TNS3: variants seen among roughly 807,000 people sequenced by gnomAD.
TNS3 encodes the protein tensin 3, also known as tensin-3.
A neutral mutation model predicts 140.9 loss-of-function variants in TNS3; 45 were observed. That is an observed-to-expected ratio of 0.32 (90% CI 0.25 to 0.41). The LOEUF (loss-of-function observed/expected upper bound fraction) is 0.41. Ranked by LOEUF, TNS3 falls within the 10% of genes least tolerant of loss-of-function variation. The probability of loss-of-function intolerance (pLI) is 1.00; values close to 1 mark genes in which losing one functional copy is unlikely to be tolerated. For missense variants in TNS3, 1,716 were observed against 1,906.7 expected (o/e 0.90, Z 1.86); for synonymous variants, 815 against 788.4 (o/e 1.03, Z -0.56).
At chr7:47,380,907 C>T (rs1425082053) in intron 16 of TNS3, among the ~76,000 whole-genome samples, 3 of 152,154 alleles carry the variant, frequency 2.0e-5, no homozygotes, top group Non-Finnish European at 4.4e-5. Flanking sequence ...CAGAGGAGGG[C>T]GGGGGCGTGC....
At chr7:47,511,716 AG>A (rs1256068563) in intron 2 of TNS3, among the ~76,000 whole-genome samples, 2 of 152,090 alleles carry the variant, frequency 1.3e-5, no homozygotes. Context: ...CTTCTGGCGA[AG>A]GCCTTCCCAC....
chr7:47,356,036 C>G (rs1000123272), intron 17 of TNS3, among the ~76,000 whole-genome samples: 3 of 152,284 alleles, frequency 2.0e-5, no homozygotes, highest in East Asian at 3.9e-4. Flanking sequence ...CCCATGGGGT[C>G]GCCTGCCTCT....
chr7:47,300,688 G>A (rs780741126), intron 23 of TNS3, among the ~76,000 whole-genome samples: 3 of 152,232 alleles, frequency 2.0e-5, no homozygotes, highest in Non-Finnish European at 4.4e-5. Flanking sequence ...TAGAGTGGAA[G>A]GGTCTGTGCA....
At chr7:47,549,199 G>C (rs540803400) in intron 1 of TNS3, among the ~76,000 whole-genome samples, 18 of 152,178 alleles carry the variant, frequency 1.2e-4, no homozygotes, top group Non-Finnish European at 1.2e-4. Context: ...ATAAATAAAT[G>C]AAAGTTCTTT....
At chr7:47,387,255 C>A (rs566068358) in intron 16 of TNS3, among the ~76,000 whole-genome samples, 2 of 152,294 alleles carry the variant, frequency 1.3e-5, no homozygotes, top group East Asian at 3.9e-4. Flanking sequence ...GGGGCTGGGG[C>A]TGTGGAGGGT....
chr7:47,481,118 T>C lies in TNS3; in HGVS notation c.-91A>G. 7.8e-7 allele frequency: 1 copy of C among 1,289,772 alleles called. No individual in the cohort carries two copies. The highest frequency in any genetic ancestry group is 1.0e-6 in the Non-Finnish European group (1 of 988,876). 79.9% of individuals were successfully genotyped at this position (1,289,772 alleles called of 1,614,324 possible). A position where few individuals can be genotyped will look rare whatever the true frequency, so the allele number is the denominator to read the frequency against. ...AAGGGCTTACCTGTTCCAGTCGGAC[T>C]TGCACACCGCAGGGAATCACCACCT... On this transcript the variant is annotated 5_prime_UTR_variant, in exon 4 of 31. Transcript: ENST00000311160.
At chr7:47,449,412 T>C (rs551500267) in intron 4 of TNS3, among the ~76,000 whole-genome samples, 1 of 152,280 alleles carries the variant, frequency 6.6e-6, no homozygotes, top group African/African-American at 2.4e-5. Flanking sequence ...CTGCTGTGCT[T>C]CCTCCTGCCC....
At chr7:47,314,354 G>A (rs558975809) in intron 20 of TNS3, among the ~76,000 whole-genome samples, 3 of 152,298 alleles carry the variant, frequency 2.0e-5, no homozygotes, top group South Asian at 2.1e-4. Flanking sequence ...CATGCTTAAC[G>A]GAAGAGGAGA....
At chr7:47,558,204 G>A (rs976012262) in intron 1 of TNS3, among the ~76,000 whole-genome samples, 7 of 152,170 alleles carry the variant, frequency 4.6e-5, no homozygotes. Context: ...CAACATAAAA[G>A]GAAACAGGGT....
At chr7:47,564,650 CAAAA>C (rs397961987) in intron 1 of TNS3, among the ~76,000 whole-genome samples, 12 of 99,110 alleles carry the variant, frequency 1.2e-4, no homozygotes, top group Admixed American at 7.7e-4. Context: ...AAAAAAAAAA[CAAAA>C]AAAAACAAAA....
intron 4 of TNS3, among the ~76,000 whole-genome samples, chr7:47,469,402 C>A (rs1796852840): frequency 6.6e-6 from 1 of 152,176 alleles, no homozygotes; most frequent in Non-Finnish European, 1.5e-5. Context: ...CAAAAAACAT[C>A]AGACGTCGGC....
At chr7:47,572,080 C>T (rs114436301) in intron 1 of TNS3, among the ~76,000 whole-genome samples, 7 of 152,342 alleles carry the variant, frequency 4.6e-5, no homozygotes, top group South Asian at 4.1e-4. Flanking sequence ...AGAGACCTCC[C>T]CATGGGCTCC....
In TNS3 at chr7:47,561,121, G is replaced by A. The variant is rs111315311; in HGVS notation, c.-265+20930C>T. 2.3e-4 allele frequency among the ~76,000 whole-genome samples: 35 copies of A among 152,356 alleles called. 1 individual carries two copies. The highest frequency in any genetic ancestry group is 3.9e-4 in the Admixed American group (6 of 15,304). ...TGGGCAAACTTCAGAGGGTAAGCTA[G>A]GACAGATGCTCATGCCTCTGTAGTC... is the stretch of plus-strand genomic sequence containing the variant. On this transcript the variant is annotated intron_variant, in intron 1 of 30. Transcript: ENST00000311160.
rs1422324373 is a variant in TNS3 at position 47,455,861 on chromosome 7, C to G, written c.-75-13806G>C. 5.9e-5 allele frequency among the ~76,000 whole-genome samples: 9 copies of G among 152,234 alleles called. No homozygotes were observed. The South Asian group carries it at 1.9e-3, about 32-fold the overall frequency. On this transcript the variant is annotated intron_variant, in intron 4 of 30. Coordinates refer to ENST00000311160, the MANE Select transcript of TNS3 (RefSeq NM_022748.12). ...GTGGGCGCCTGTGGCAGAGGTGGGG[C>G]AGGAGGAGCAAATTCCTTCAGAGGA...
intron 26 of TNS3, 71 bp downstream of exon 26, chr7:47,292,757 G>T (rs1785782974): frequency 3.0e-6 from 4 of 1,354,256 alleles, no homozygotes; most frequent in South Asian, 2.5e-5. Flanking sequence ...GATCTTCATG[G>T]ATCTCTAAAA....
chr7:47,492,486 G>A (rs1186820748), intron 3 of TNS3, among the ~76,000 whole-genome samples: 2 of 152,178 alleles, frequency 1.3e-5, no homozygotes, highest in Non-Finnish European at 2.9e-5. Context: ...TCCCACCTGT[G>A]AGCCTCAGCC....
intron 20 of TNS3, among the ~76,000 whole-genome samples, chr7:47,334,745 A>C (rs1562604239): frequency 1.3e-5 from 2 of 151,836 alleles, no homozygotes; most frequent in Non-Finnish European, 1.5e-5. Flanking sequence ...AGTAGCTGGA[A>C]CTACAGGCAT....
At chr7:47,383,330 T>C (rs1468498681) in intron 16 of TNS3, among the ~76,000 whole-genome samples, 1 of 152,070 alleles carries the variant, frequency 6.6e-6, no homozygotes, top group Non-Finnish European at 1.5e-5. Context: ...GTGAGTGAGA[T>C]GTCCGGAATG....
chr7:47,405,198 C>T (rs1371505258), intron 13 of TNS3, among the ~76,000 whole-genome samples: 1 of 152,212 alleles, frequency 6.6e-6, no homozygotes, highest in African/African-American at 2.4e-5. Flanking sequence ...GTCCCCAATT[C>T]AGAAGTCAGC....
Sources: allele counts gnomAD v4.1 joint callset (sites outside exome capture counted in the v4.1 genomes callset), GRCh38; gene constraint gnomAD v4.1.1; transcripts MANE v1.5; gene names NCBI Gene and HGNC (gene_info 2026-07-23, HGNC 2026-07-21).